The following AKAP19 variants were observed in gnomAD, a reference collection of about 807,000 sequenced individuals.
AKAP19 encodes the protein A-kinase anchoring protein 19, also known as small A-kinase anchoring protein.
At chr2:189,973,609 GGT>G in the AKAP19 span, among the ~76,000 whole-genome samples, 1 of 152,100 alleles carries the variant, frequency 6.6e-6, no homozygotes, top group African/African-American at 2.4e-5. Context: ...GAATCCATCT[GGT>G]CCTGGACTTT....
the AKAP19 span, among the ~76,000 whole-genome samples, chr2:190,017,120 C>T: frequency 8.5e-5 from 13 of 152,120 alleles, no homozygotes; most frequent in African/African-American, 3.1e-4. Flanking sequence ...TTTTCATTTC[C>T]ATTTGCTTAT....
the AKAP19 span, among the ~76,000 whole-genome samples, chr2:189,949,294 C>T: frequency 3.3e-5 from 5 of 152,150 alleles, no homozygotes; most frequent in African/African-American, 1.2e-4. Context: ...TGGCTCACAC[C>T]TGTAATCCCA....
chr2:190,023,543 A>C, the AKAP19 span, among the ~76,000 whole-genome samples: 12 of 152,190 alleles, frequency 7.9e-5, no homozygotes, highest in Middle Eastern at 0.01. Context: ...TTTTGGTGGA[A>C]TATCTTGAGA....
At chr2:189,987,986 A>C in the AKAP19 span, among the ~76,000 whole-genome samples, 1 of 151,938 alleles carries the variant, frequency 6.6e-6, no homozygotes, top group Admixed American at 6.6e-5. Flanking sequence ...AGTTTTTAAA[A>C]ACAATTAGGT....
At chr2:189,975,847 G>C in the AKAP19 span, among the ~76,000 whole-genome samples, 1 of 152,128 alleles carries the variant, frequency 6.6e-6, no homozygotes, top group African/African-American at 2.4e-5. Context: ...GTCATTTAAG[G>C]ACTTCTGTAC....
At chr2:190,030,091 A>G in the AKAP19 span, among the ~76,000 whole-genome samples, 10 of 152,214 alleles carry the variant, frequency 6.6e-5, no homozygotes, top group African/African-American at 2.4e-4. Flanking sequence ...TGCATGTTAT[A>G]TATGTACATA....
the AKAP19 span, among the ~76,000 whole-genome samples, chr2:190,043,948 G>A: frequency 3.9e-5 from 6 of 152,202 alleles, no homozygotes; most frequent in Admixed American, 6.5e-5. Context: ...GGTTTCAGAA[G>A]GGAATATGTT....
the AKAP19 span, among the ~76,000 whole-genome samples, chr2:189,898,181 G>A: frequency 6.7e-6 from 1 of 149,950 alleles, no homozygotes; most frequent in Admixed American, 6.6e-5. Context: ...TACAGAACAA[G>A]ACCCTGTCTC....
chr2:189,925,692 G>T, the AKAP19 span, among the ~76,000 whole-genome samples: 2 of 152,014 alleles, frequency 1.3e-5, no homozygotes, highest in Non-Finnish European at 2.9e-5. Flanking sequence ...GAGATGAGAC[G>T]CCCTAACCCA....
At chr2:189,923,255 G>C in the AKAP19 span, 1 of 1,409,990 alleles carries the variant, frequency 7.1e-7, no homozygotes, top group Non-Finnish European at 9.9e-7. Flanking sequence ...GCAGAACCCG[G>C]GAGTAGGAGA....
At chr2:190,047,748 G>T in the AKAP19 span, among the ~76,000 whole-genome samples, 1 of 152,194 alleles carries the variant, frequency 6.6e-6, no homozygotes, top group African/African-American at 2.4e-5. Context: ...TGGGAACAGT[G>T]GAAGAAAATG....
the AKAP19 span, among the ~76,000 whole-genome samples, chr2:190,115,293 ATATATATATTTTTTTTTTTTTTTTTTT>A: frequency 5.3e-4 from 4 of 7,580 alleles, no homozygotes; most frequent in African/African-American, 2.5e-3. Flanking sequence ...ATATATATAT[ATATATATATTTTTTTTTTTTTTTTTTT>A]TTTTTTTTTT....
chr2:190,110,545 C>T, the AKAP19 span, among the ~76,000 whole-genome samples: 1 of 152,030 alleles, frequency 6.6e-6, no homozygotes, highest in Middle Eastern at 3.2e-3. Flanking sequence ...TAAGGTGAAA[C>T]CAGAGTTACA....
chr2:190,011,860 A>G, the AKAP19 span, among the ~76,000 whole-genome samples: 2 of 152,188 alleles, frequency 1.3e-5, no homozygotes, highest in East Asian at 1.9e-4. Flanking sequence ...GGAGACAGGT[A>G]GTACAAAGTC....
At chr2:190,192,645 G>C in the AKAP19 span, among the ~76,000 whole-genome samples, 4 of 152,162 alleles carry the variant, frequency 2.6e-5, no homozygotes, top group Non-Finnish European at 5.9e-5. Flanking sequence ...TTCAGATCAT[G>C]AACAGCATTT....
the AKAP19 span, among the ~76,000 whole-genome samples, chr2:189,981,273 C>T: frequency 7.0e-5 from 9 of 128,984 alleles, no homozygotes; most frequent in East Asian, 2.2e-4. Flanking sequence ...CCTTCTTTGT[C>T]TTTTTTTTTT....
the AKAP19 span, among the ~76,000 whole-genome samples, chr2:189,883,129 T>G: frequency 6.6e-6 from 1 of 152,116 alleles, no homozygotes; most frequent in Non-Finnish European, 1.5e-5. Context: ...CTGGAGAGCT[T>G]ATTAAGCGCT....
At chr2:190,095,319 G>A in the AKAP19 span, among the ~76,000 whole-genome samples, 1 of 152,292 alleles carries the variant, frequency 6.6e-6, no homozygotes, top group East Asian at 1.9e-4. Flanking sequence ...TAATATCAGT[G>A]CAATGGAGTG....
At chr2:189,990,901 C>G in the AKAP19 span, among the ~76,000 whole-genome samples, 1 of 152,140 alleles carries the variant, frequency 6.6e-6, no homozygotes, top group Non-Finnish European at 1.5e-5. Context: ...CATTATATCA[C>G]TCTTATGCCT....
Sources: allele counts gnomAD v4.1 joint callset (sites outside exome capture counted in the v4.1 genomes callset), GRCh38; gene constraint gnomAD v4.1.1; transcripts MANE v1.5; gene names NCBI Gene and HGNC (gene_info 2026-07-23, HGNC 2026-07-21).